Variants in CHST11 observed in about 807,000 individuals in gnomAD.
The protein encoded by CHST11 is C4S-1.
CHST11 carries 9 observed loss-of-function variants against 30.4 expected under a neutral mutation model. The observed-to-expected ratio is 0.30, with a 90% CI of 0.18 to 0.52. The LOEUF (loss-of-function observed/expected upper bound fraction) is 0.52, where lower values mean the gene tolerates loss of function less well. Among genes scored for constraint, CHST11 ranks in the 20% least tolerant of loss-of-function variants. The probability of loss-of-function intolerance (pLI) is 0.97; values close to 1 mark genes in which losing one functional copy is unlikely to be tolerated. For missense variants in CHST11, 348 were observed against 460.6 expected, an observed-to-expected ratio of 0.76 and a Z score of 2.24; for synonymous variants, 152 against 187.8, an observed-to-expected ratio of 0.81 and a Z score of 1.56.
chr12:104,528,540 C>T (rs1489790098), intron 1 of CHST11, among the ~76,000 whole-genome samples: 1 of 152,206 alleles, frequency 6.6e-6, no homozygotes, highest in Admixed American at 6.5e-5. Context: ...CTGGGTCCCC[C>T]TGCAGCTTGG....
At chr12:104,508,593 T>G (rs911045199) in intron 1 of CHST11, among the ~76,000 whole-genome samples, 2 of 152,210 alleles carry the variant, frequency 1.3e-5, no homozygotes, top group African/African-American at 4.8e-5. Flanking sequence ...ACAGGGTCAC[T>G]CTGTCTCATT....
intron 1 of CHST11, among the ~76,000 whole-genome samples, chr12:104,558,737 A>G (rs1181413992): frequency 6.6e-6 from 1 of 151,698 alleles, no homozygotes; most frequent in Non-Finnish European, 1.5e-5. Flanking sequence ...CAGGGTTTCA[A>G]CATGTTGCCA....
At chr12:104,710,530 A>G (rs545759409) in intron 2 of CHST11, among the ~76,000 whole-genome samples, 1 of 152,256 alleles carries the variant, frequency 6.6e-6, no homozygotes, top group East Asian at 1.9e-4. Flanking sequence ...CCTCCTGGAC[A>G]GGCCCAAGCA....
intron 2 of CHST11, among the ~76,000 whole-genome samples, chr12:104,670,753 CACAT>C: frequency 6.6e-6 from 1 of 151,052 alleles, no homozygotes; most frequent in East Asian, 1.9e-4. Context: ...ACATACCCCT[CACAT>C]ACACAAACCA....
chr12:104,614,916 A>C (rs377512561), intron 2 of CHST11, among the ~76,000 whole-genome samples: 1 of 152,020 alleles, frequency 6.6e-6, no homozygotes, highest in African/African-American at 2.4e-5. Context: ...CTCCATCCAC[A>C]CCCCTCTTCT....
chr12:104,675,093 C>G (rs1295573272), intron 2 of CHST11, among the ~76,000 whole-genome samples: 2 of 151,986 alleles, frequency 1.3e-5, no homozygotes, highest in African/African-American at 4.8e-5. Flanking sequence ...GTATAGGTGT[C>G]TCTGTTATAT....
At chr12:104,493,356 C>A (rs1459423331) in intron 1 of CHST11, among the ~76,000 whole-genome samples, 1 of 152,178 alleles carries the variant, frequency 6.6e-6, no homozygotes, top group Non-Finnish European at 1.5e-5. Flanking sequence ...TGCCCTGGAA[C>A]CAGGTAGGCC....
At chr12:104,613,475 A>C (rs1404147906) in intron 2 of CHST11, among the ~76,000 whole-genome samples, 1 of 151,996 alleles carries the variant, frequency 6.6e-6, no homozygotes, top group Non-Finnish European at 1.5e-5. Flanking sequence ...ACCTGGTGGG[A>C]GGTGATTGGA....
intron 2 of CHST11, among the ~76,000 whole-genome samples, chr12:104,619,302 AG>A (rs1253576401): frequency 6.6e-6 from 1 of 152,248 alleles, no homozygotes; most frequent in Non-Finnish European, 1.5e-5. Context: ...GGGTTTGCTC[AG>A]GCCAGAGGCT....
At chr12:104,586,576 C>T (rs1016220759) in intron 1 of CHST11, among the ~76,000 whole-genome samples, 6 of 152,272 alleles carry the variant, frequency 3.9e-5, no homozygotes, top group Non-Finnish European at 8.8e-5. Flanking sequence ...GTTACTCTGT[C>T]TCTGAAGCCA....
intron 2 of CHST11, among the ~76,000 whole-genome samples, chr12:104,712,242 A>G (rs1463784467): frequency 6.6e-6 from 1 of 152,166 alleles, no homozygotes; most frequent in Non-Finnish European, 1.5e-5. Flanking sequence ...CCACATAAAC[A>G]CAACATCTTG....
At chr12:104,645,747 G>A (rs1204760906) in intron 2 of CHST11, among the ~76,000 whole-genome samples, 30 of 145,842 alleles carry the variant, frequency 2.1e-4, no homozygotes, top group Non-Finnish European at 1.5e-5. Context: ...AATTAAACTA[G>A]GAAATGAAAG....
At chr12:104,696,581 G>T (rs1592844399) in intron 2 of CHST11, among the ~76,000 whole-genome samples, 1 of 150,854 alleles carries the variant, frequency 6.6e-6, no homozygotes, top group Non-Finnish European at 1.5e-5. Context: ...CAGGAGAATT[G>T]CTTGAACCGG....
At chr12:104,463,949 A>T (rs1464325347) in intron 1 of CHST11, among the ~76,000 whole-genome samples, 1 of 152,158 alleles carries the variant, frequency 6.6e-6, no homozygotes, top group African/African-American at 2.4e-5. Context: ...CCTTGGGTTT[A>T]ACTGTAGATG....
chr12:104,742,401 A>G (rs1213298830), intron 2 of CHST11, among the ~76,000 whole-genome samples: 1 of 151,894 alleles, frequency 6.6e-6, no homozygotes, highest in Non-Finnish European at 1.5e-5. Flanking sequence ...GCCACCCGGG[A>G]CTGCTCAGTG....
chr12:104,463,114 C>G (rs2037425036), intron 1 of CHST11, among the ~76,000 whole-genome samples: 1 of 152,088 alleles, frequency 6.6e-6, no homozygotes, highest in African/African-American at 2.4e-5. Flanking sequence ...AACAGGAAGT[C>G]AAAGGCTCAT....
intron 2 of CHST11, among the ~76,000 whole-genome samples, chr12:104,725,104 T>C (rs2040206796): frequency 6.6e-6 from 1 of 152,202 alleles, no homozygotes; most frequent in Non-Finnish European, 1.5e-5. Context: ...TAGCCACTTA[T>C]CTTTGAGCAC....
intron 1 of CHST11, among the ~76,000 whole-genome samples, chr12:104,482,484 C>T (rs1269918751): frequency 1.3e-5 from 2 of 152,148 alleles, no homozygotes; most frequent in Non-Finnish European, 2.9e-5. Flanking sequence ...GACCATGTGG[C>T]CACTGCCTCC....
At chr12:104,607,583 C>T (rs2039018928) in intron 2 of CHST11, among the ~76,000 whole-genome samples, 1 of 152,102 alleles carries the variant, frequency 6.6e-6, no homozygotes, top group African/African-American at 2.4e-5. Context: ...TCTGAAGACA[C>T]AGCACACTTC....
Sources: gnomAD v4.1 joint callset for allele counts (sites outside exome capture counted in the v4.1 genomes callset) on GRCh38, gnomAD v4.1.1 for gene constraint, MANE v1.5 for transcripts, NCBI Gene and HGNC (gene_info 2026-07-23, HGNC 2026-07-21) for gene names.